Variants in TEX2 observed in about 807,000 individuals in gnomAD.
TEX2 encodes the protein testis-expressed protein 2.
TEX2 carries 53 observed loss-of-function variants against 106.9 expected under a neutral mutation model. That is an observed-to-expected ratio of 0.50 (90% CI 0.40 to 0.62). The LOEUF (loss-of-function observed/expected upper bound fraction) is 0.62. TEX2 is among the 20% of genes least tolerant of loss of function. TEX2 has a pLI of 0.00. For missense variants in TEX2, 1,207 were observed against 1,379.0 expected, an observed-to-expected ratio of 0.88 and a Z score of 1.98; for synonymous variants, 523 against 534.8, an observed-to-expected ratio of 0.98 and a Z score of 0.30.
chr17:64,187,282 A>C (rs1046491489), intron 5 of TEX2, among the ~76,000 whole-genome samples: 25 of 152,184 alleles, frequency 1.6e-4, no homozygotes, highest in African/African-American at 5.5e-4. Context: ...GGAGACTGAG[A>C]ATTTGAAAAT....
rs146105070 is a variant in TEX2 at position 64,188,436 on chromosome 17, G to C, written c.2177-21C>G. ...AAGCCCTGGAGCCAAGAAGACGGGG[G>C]CTATTCACACAATGAAGAAAACAAC... On this transcript the variant is annotated intron_variant, in intron 4 of 11. Coordinates refer to ENST00000584379, the MANE Select transcript of TEX2 (RefSeq NM_001288732.2). 9 of 1,612,746 alleles carry C rather than the reference G, an allele frequency of 5.6e-6. No individual in the cohort carries two copies. The African/African-American group carries it at 9.4e-5, about 17-fold the overall frequency.
At chr17:64,253,798 C>A (rs1478032899) in intron 1 of TEX2, among the ~76,000 whole-genome samples, 1 of 152,194 alleles carries the variant, frequency 6.6e-6, no homozygotes, top group East Asian at 1.9e-4. Context: ...TGGCACTGCA[C>A]TTCCCTCGGC....
chr17:64,200,628 T>C (rs1291290515), intron 2 of TEX2, among the ~76,000 whole-genome samples: 2 of 152,234 alleles, frequency 1.3e-5, no homozygotes, highest in South Asian at 2.1e-4. Context: ...CAGAACAACC[T>C]GATTCAGAAG....
intron 5 of TEX2, among the ~76,000 whole-genome samples, chr17:64,179,434 C>G (rs1195984451): frequency 2.0e-5 from 3 of 152,332 alleles, no homozygotes; most frequent in South Asian, 4.1e-4. Flanking sequence ...CAGCGGCAAC[C>G]TGCTTGGGTG....
At chr17:64,233,699 C>G (rs1285945836) in intron 1 of TEX2, among the ~76,000 whole-genome samples, 1 of 152,192 alleles carries the variant, frequency 6.6e-6, no homozygotes, top group Non-Finnish European at 1.5e-5. Context: ...ATAGTCTACA[C>G]CTACCTTGCA....
chr17:64,150,455 T>G (rs17641730), intron 11 of TEX2: 11,871 of 153,820 alleles, frequency 0.077, 583 homozygotes, highest in Non-Finnish European at 0.11. Flanking sequence ...CTGAGCAAGG[T>G]GAACAGCACA....
chr17:64,148,286 G>C lies in TEX2; in HGVS notation c.*683C>G, dbSNP rs2030159551. 6.6e-6 allele frequency: 1 copy of C among 152,640 alleles called. No homozygotes were observed. Among genetic ancestry groups the C allele is most frequent in the African/African-American group, 2.4e-5 (1 of 41,428 alleles). 9.5% of individuals were successfully genotyped at this position (152,640 alleles called of 1,614,324 possible). A position where few individuals can be genotyped will look rare whatever the true frequency, so the allele number is the denominator to read the frequency against. On this transcript the variant is annotated 3_prime_UTR_variant, in exon 12 of 12. Transcript: ENST00000584379. ...TTCAAGATTAGCTAGCCCCCAGGTG[G>C]TTGTACCTCATTGGTGAAAGGCTTG...
intron 1 of TEX2, among the ~76,000 whole-genome samples, chr17:64,216,631 C>T (rs567743717): frequency 9.9e-5 from 15 of 152,222 alleles, no homozygotes; most frequent in Non-Finnish European, 1.9e-4. Flanking sequence ...TAGGCCCAGC[C>T]TAGCGCCAAA....
At chr17:64,202,425 G>C (rs1324075991) in intron 2 of TEX2, among the ~76,000 whole-genome samples, 1 of 152,148 alleles carries the variant, frequency 6.6e-6, no homozygotes, top group African/African-American at 2.4e-5. Context: ...CTGAAACCAG[G>C]TTGCTCTTGC....
At chr17:64,223,713 C>CT (rs34897234) in intron 1 of TEX2, among the ~76,000 whole-genome samples, 68,594 of 110,732 alleles carry the variant, frequency 0.62, 22,945 homozygotes, top group East Asian at 0.77. Context: ...AACAGAGCAT[C>CT]TTTTTTTTTT....
chr17:64,157,636 A>T (rs1331641397), intron 8 of TEX2, among the ~76,000 whole-genome samples: 1 of 152,242 alleles, frequency 6.6e-6, no homozygotes, highest in Non-Finnish European at 1.5e-5. Flanking sequence ...GAGGGAGACC[A>T]CACTCAAGAA....
At chr17:64,160,701 A>G in intron 8 of TEX2, 100 bp downstream of exon 8, 1 of 1,425,818 alleles carries the variant, frequency 7.0e-7, no homozygotes. Context: ...AGCTCACTCA[A>G]CATCCAGGGG....
intron 5 of TEX2, among the ~76,000 whole-genome samples, chr17:64,182,093 G>A (rs1428129703): frequency 1.3e-5 from 2 of 152,130 alleles, no homozygotes; most frequent in Admixed American, 1.3e-4. Flanking sequence ...CCCACCGATG[G>A]AGGAATGGAT....
intron 10 of TEX2, among the ~76,000 whole-genome samples, chr17:64,151,828 T>C (rs886138822): frequency 1.3e-5 from 2 of 152,226 alleles, no homozygotes; most frequent in African/African-American, 4.8e-5. Context: ...ATTTTAACTA[T>C]TAAAATTTTT....
intron 7 of TEX2, among the ~76,000 whole-genome samples, 176 bp downstream of exon 7, chr17:64,170,924 C>G (rs2031362299): frequency 1.3e-5 from 2 of 152,180 alleles, no homozygotes; most frequent in African/African-American, 4.8e-5. Flanking sequence ...CGTAAGCCAC[C>G]ATGCCCGGCC....
chr17:64,205,192 A>G lies in TEX2; in HGVS notation c.1644+7382T>C, dbSNP rs1328991207. ...ATTAGCCGTGCATGGTGATGCGCAC[A>G]TGTAATCCCAGCAACTCTGGAGGCT... On this transcript the variant is annotated intron_variant, in intron 2 of 11. Coordinates refer to ENST00000584379, the MANE Select transcript of TEX2 (RefSeq NM_001288732.2). The surrounding 1 kb of genome is among the most constrained non-coding windows in gnomAD (Gnocchi z 4.0). Among the ~76,000 whole-genome samples the G allele has an allele frequency of 3.9e-5, 6 of 152,116 alleles. No homozygotes were observed. The highest frequency in any genetic ancestry group is 8.8e-5 in the Non-Finnish European group (6 of 68,020).
chr17:64,172,056 G>GA (rs2031428062), intron 6 of TEX2, among the ~76,000 whole-genome samples: 1 of 150,552 alleles, frequency 6.6e-6, no homozygotes, highest in Non-Finnish European at 1.5e-5. Flanking sequence ...GAAAATCCTT[G>GA]AAAAACAGCA....
intron 6 of TEX2, 39 bp downstream of exon 6, chr17:64,177,286 G>A: frequency 6.2e-7 from 1 of 1,610,398 alleles, no homozygotes; most frequent in Non-Finnish European, 8.5e-7. Flanking sequence ...AAATGAAGAA[G>A]TATAGAGGAT....
intron 8 of TEX2, among the ~76,000 whole-genome samples, chr17:64,158,552 G>A (rs1016401579): frequency 7.9e-5 from 12 of 152,198 alleles, no homozygotes; most frequent in African/African-American, 2.9e-4. Flanking sequence ...CAGCTAATAA[G>A]TATGCTGACC....
Sources: gnomAD v4.1 joint callset for allele counts (sites outside exome capture counted in the v4.1 genomes callset) on GRCh38, gnomAD v4.1.1 for gene constraint, Gnocchi (gnomAD v3.1) non-coding constraint, MANE v1.5 for transcripts, NCBI Gene and HGNC (gene_info 2026-07-23, HGNC 2026-07-21) for gene names.